FBXO47: variants seen among roughly 807,000 people sequenced by gnomAD.
FBXO47 encodes the protein F-box only protein 47.
FBXO47 carries 34 observed loss-of-function variants against 53.9 expected under a neutral mutation model. The observed-to-expected ratio is 0.63, with a 90% confidence interval of 0.48 to 0.84. FBXO47 has a LOEUF of 0.84. Among genes scored for constraint, FBXO47 ranks in the 40% least tolerant of loss-of-function variants. FBXO47 has a pLI of 0.00. For missense variants in FBXO47, 485 were observed against 541.3 expected (o/e 0.90, Z 1.03); for synonymous variants, 165 against 181.6 (o/e 0.91, Z 0.73).
At chr17:38,952,814 A>AGTTTT (rs1905360197) in intron 5 of FBXO47, among the ~76,000 whole-genome samples, 1 of 118,880 alleles carries the variant, frequency 8.4e-6, no homozygotes, top group African/African-American at 3.1e-5. Flanking sequence ...TTTATTTATG[A>AGTTTT]CTTTTTTTTT....
chr17:38,946,083 A>C (rs1598139491), intron 6 of FBXO47, among the ~76,000 whole-genome samples: 1 of 126,244 alleles, frequency 7.9e-6, no homozygotes, highest in Non-Finnish European at 1.6e-5. Flanking sequence ...TTTATATATA[A>C]ATACATAAAT....
chr17:38,967,386 G>C lies in FBXO47; in HGVS notation c.-184C>G, dbSNP rs922805350. 1 of 152,056 alleles carries C rather than the reference G, an allele frequency of 6.6e-6. No individual in the cohort carries two copies. The highest frequency in any genetic ancestry group is 1.5e-5 in the Non-Finnish European group (1 of 68,032). 9.4% of individuals were successfully genotyped at this position (152,056 alleles called of 1,614,324 possible). ...AGAGGGTCACACTCCCGTAGGCTCC[G>C]GAGCTGCAGCCCTACCCACCAGGCG... On this transcript the variant is annotated 5_prime_UTR_variant, in exon 1 of 11. Coordinates refer to ENST00000378079, the MANE Select transcript of FBXO47 (RefSeq NM_001008777.3).
At chr17:38,945,964 TAA>T in intron 6 of FBXO47, among the ~76,000 whole-genome samples, 1 of 131,982 alleles carries the variant, frequency 7.6e-6, no homozygotes, top group South Asian at 2.3e-4. Context: ...TATATATATA[TAA>T]ATATATAAAT....
intron 9 of FBXO47, among the ~76,000 whole-genome samples, chr17:38,941,620 T>TTTTTTATATA (rs1555560016): frequency 2.6e-5 from 3 of 115,198 alleles, no homozygotes; most frequent in African/African-American, 9.2e-5. Flanking sequence ...AAATATAATA[T>TTTTTTATATA]TATATATATA....
chr17:38,943,862 T>C, intron 7 of FBXO47, 126 bp from the exon 8 acceptor site: 5 of 877,336 alleles, frequency 5.7e-6, no homozygotes, highest in Non-Finnish European at 8.7e-6. Context: ...ATTTTAACTT[T>C]TGAAACAAGA....
intron 2 of FBXO47, 110 bp downstream of exon 2, chr17:38,962,735 A>T: frequency 1.5e-6 from 1 of 661,992 alleles, no homozygotes; most frequent in Non-Finnish European, 2.4e-6. Context: ...AACACTTAAC[A>T]TGAATGTCAT....
intron 4 of FBXO47, among the ~76,000 whole-genome samples, chr17:38,955,662 A>G (rs2143947653): frequency 6.6e-6 from 1 of 151,480 alleles, no homozygotes; most frequent in East Asian, 2.0e-4. Context: ...TTCTTGTATA[A>G]AACCTTTTGC....
At chr17:38,941,014 T>G (rs1487333224) in intron 9 of FBXO47, among the ~76,000 whole-genome samples, 5 of 151,714 alleles carry the variant, frequency 3.3e-5, no homozygotes, top group African/African-American at 9.7e-5. Flanking sequence ...AGATGAGATC[T>G]CATTCTGTTG....
chr17:38,944,283 G>T (rs988046558), intron 7 of FBXO47, among the ~76,000 whole-genome samples: 6 of 150,394 alleles, frequency 4.0e-5, no homozygotes. Flanking sequence ...TCTAGCACTT[G>T]GGGAGGCCAA....
intron 4 of FBXO47, among the ~76,000 whole-genome samples, chr17:38,955,741 C>G (rs890175275): frequency 2.0e-5 from 3 of 151,612 alleles, no homozygotes; most frequent in Admixed American, 6.6e-5. Context: ...GGGAGGATCA[C>G]GAGGTCAGGA....
In FBXO47 at chr17:38,938,117, AC is replaced by A. The variant is rs535312642; in HGVS notation, c.1243+455del. Reference sequence around the variant, plus strand: ...ATGCTTTATTGCTTCTAACTTTGAGACCTTGGTAAGTCAGGTAACTTCTCTA... The same window carrying A: ...ATGCTTTATTGCTTCTAACTTTGAGACTTGGTAAGTCAGGTAACTTCTCTA... On this transcript the variant is annotated intron_variant, in intron 10 of 10. Transcript: ENST00000378079. Among the ~76,000 whole-genome samples the A allele has an allele frequency of 3.3e-5, 5 of 152,340 alleles. No individual in the cohort carries two copies. The South Asian group carries it at 1.0e-3, about 32-fold the overall frequency.
chr17:38,947,073 CATATATAAACAT>C (rs1165695285), intron 6 of FBXO47, among the ~76,000 whole-genome samples: 6,254 of 122,186 alleles, frequency 0.051, 382 homozygotes, highest in Admixed American at 0.19. Context: ...TATATATAAA[CATATATAAACAT>C]ATATATAAAC....
intron 6 of FBXO47, among the ~76,000 whole-genome samples, chr17:38,950,864 A>G (rs1008016555): frequency 1.8e-4 from 28 of 151,786 alleles, no homozygotes; most frequent in African/African-American, 6.8e-4. Flanking sequence ...ATTCCCTTAC[A>G]TTTCTTTGTC....
At position 38,945,271 on chromosome 17, in the gene FBXO47, G is replaced by A. The variant is rs115538171; in HGVS notation, c.617-135C>T. 22 of 613,512 alleles carry A rather than the reference G, an allele frequency of 3.6e-5. No homozygotes were observed. In the African/African-American group the frequency reaches 3.9e-4, roughly 11 times the overall value. 38.0% of individuals were successfully genotyped at this position (613,512 alleles called of 1,614,324 possible). A position where few individuals can be genotyped will look rare whatever the true frequency, so the allele number is the denominator to read the frequency against. On this transcript the variant is annotated intron_variant, in intron 6 of 10. Coordinates refer to ENST00000378079, the MANE Select transcript of FBXO47 (RefSeq NM_001008777.3). ...GTTTCTAAACAGGAAGTAACCAAGA[G>A]ATTATCTATTCTTAAACTCCCCTAA...
At chr17:38,939,072 T>A (rs537572932) in intron 9 of FBXO47, among the ~76,000 whole-genome samples, 1 of 151,780 alleles carries the variant, frequency 6.6e-6, no homozygotes, top group African/African-American at 2.4e-5. Context: ...GGTGGGCAGA[T>A]CACCTGAGGT....
chr17:38,956,242 C>T (rs1024119515), intron 4 of FBXO47, among the ~76,000 whole-genome samples: 13 of 152,002 alleles, frequency 8.6e-5, no homozygotes, highest in Admixed American at 7.9e-4. Context: ...ACAGAAAGGT[C>T]ATCTGGGAAG....
rs149066313 is a variant in FBXO47, at chr17:38,951,614, G to A, written c.583C>T (p.Arg195Cys). 9.2e-5 allele frequency: 148 copies of A among 1,613,778 alleles called. No homozygotes were observed. In the Admixed American group the frequency reaches 1.1e-3, roughly 12 times the overall value. The change falls in exon 6 of 11, where the codon CGC becomes TGC. Residue 195 changes from arginine (R) to cysteine (C), a missense_variant. By Grantham distance (180) the Arg-to-Cys change is radical (BLOSUM62 -3). Transcript: ENST00000378079. ...NFLCELTNLC[R>C]KIQMAVCSKP... ...CTGCAGACAGCCATTTGTATCTTGC[G>A]GCAGAGATTAGTCAGTTCGCATAAG... is the stretch of plus-strand genomic sequence containing the variant.
intron 5 of FBXO47, among the ~76,000 whole-genome samples, chr17:38,953,042 C>T (rs1252823484): frequency 5.4e-5 from 8 of 149,146 alleles, no homozygotes; most frequent in Non-Finnish European, 1.2e-4. Flanking sequence ...TTTGGGAGGC[C>T]GAGGCAAATG....
In FBXO47 at chr17:38,938,633, G is replaced by C; in HGVS notation, c.1183C>G (p.Gln395Glu). 4 of 1,613,654 alleles carry C rather than the reference G, an allele frequency of 2.5e-6. No individual in the cohort carries two copies. The South Asian group carries it at 4.4e-5, about 18-fold the overall frequency. Residue 395 changes from glutamine (Q) to glutamate (E), a missense_variant, in exon 10 of 11, where the codon CAG (glutamine) becomes GAG (glutamate). Coordinates refer to ENST00000378079, the MANE Select transcript of FBXO47 (RefSeq NM_001008777.3). The stretch of plus-strand genomic sequence containing the variant: ...CATGCAAATGCATTTGCCACATTCT[G>C]CAGGAAGTTCTTTCTTTCCACTGGA... The part of the protein sequence containing the change: ...STPVERKNFL[Q>E]NVANAFACVI...
Sources: gnomAD v4.1 joint callset for allele counts (sites outside exome capture counted in the v4.1 genomes callset) on GRCh38, gnomAD v4.1.1 for gene constraint, MANE v1.5 for transcripts, NCBI Gene and HGNC (gene_info 2026-07-23, HGNC 2026-07-21) for gene names.